ANP32E: variants seen among roughly 807,000 people sequenced by gnomAD.
The protein encoded by ANP32E is acidic leucine-rich nuclear phosphoprotein 32 family member E.
Under a neutral mutation model 35.3 loss-of-function variants are expected in ANP32E, and 14 were observed. That is an observed-to-expected ratio of 0.40 (90% CI 0.26 to 0.62). The LOEUF (loss-of-function observed/expected upper bound fraction) is 0.62, where lower values mean the gene tolerates loss of function less well. Among genes scored for constraint, ANP32E ranks in the 20% least tolerant of loss-of-function variants. The pLI, the probability that ANP32E is intolerant of heterozygous loss-of-function variation, is 0.45. For synonymous variants in ANP32E, 89 were observed against 110.4 expected, an observed-to-expected ratio of 0.81 and a Z score of 1.22; for missense variants, 198 against 304.4, an observed-to-expected ratio of 0.65 and a Z score of 2.60.
rs1229951808 is a variant in ANP32E at position 150,219,610 on chromosome 1, T to C, written c.*1081A>G. On this transcript the variant is annotated 3_prime_UTR_variant, in exon 7 of 7. Coordinates refer to ENST00000583931, the MANE Select transcript of ANP32E (RefSeq NM_030920.5). ...TATCAACAGGCAATTGTTCCGACTT[T>C]TGAGGAACACTAACACTGCTTCCAA... The C allele has an allele frequency of 1.3e-5, 2 of 152,186 alleles. No homozygotes were observed. Among genetic ancestry groups the C allele is most frequent in the African/African-American group, 4.8e-5 (2 of 41,448 alleles). The allele number at this position is 152,186 out of a possible 1,614,324, so 9.4% of individuals were successfully genotyped here. A position where few individuals can be genotyped will look rare whatever the true frequency, so the allele number is the denominator to read the frequency against.
chr1:150,221,089 T>C (rs775020759), intron 6 of ANP32E, among the ~76,000 whole-genome samples: 47 of 106,560 alleles, frequency 4.4e-4, no homozygotes, highest in Admixed American at 2.1e-3. Context: ...CACTCCAGCC[T>C]GGGCAACCGA....
In ANP32E at chr1:150,235,813, C is replaced by T; in HGVS notation, c.-27G>A. 2 of 1,543,456 alleles carry T rather than the reference C, an allele frequency of 1.3e-6. No homozygotes were observed. The highest frequency in any genetic ancestry group is 1.8e-6 in the Non-Finnish European group (2 of 1,128,478). On this transcript the variant is annotated 5_prime_UTR_variant, in exon 1 of 7. Coordinates refer to ENST00000583931, the MANE Select transcript of ANP32E (RefSeq NM_030920.5). This position sits in a 1 kb window ranked among gnomAD's most constrained non-coding sequence, Gnocchi z 4.2. ...TCCTCCTCTTGCTCTTCAGCTACTA[C>T]TCTCCTTTTCCCTTTCCTGCCTTCC... is the stretch of plus-strand genomic sequence containing the variant.
chr1:150,230,333 T>C (rs1444640429), intron 3 of ANP32E, among the ~76,000 whole-genome samples: 3 of 152,006 alleles, frequency 2.0e-5, no homozygotes, highest in Admixed American at 6.6e-5. Flanking sequence ...AAAAAAATAC[T>C]GGAAATGTTA....
chr1:150,234,713 A>T (rs1014662059), intron 1 of ANP32E: 104 of 979,218 alleles, frequency 1.1e-4, no homozygotes, highest in Non-Finnish European at 1.2e-4. Context: ...CTCCCCAAGG[A>T]AAAAACGGGT....
At chr1:150,229,290 T>G (rs1649145130) in intron 3 of ANP32E, 53 bp from the exon 4 acceptor site, 1 of 934,128 alleles carries the variant, frequency 1.1e-6, no homozygotes, top group Non-Finnish European at 1.5e-6. Flanking sequence ...CCATGTTATT[T>G]CTTTTTTCTT....
chr1:150,224,367 G>A (rs1266405373), intron 5 of ANP32E, among the ~76,000 whole-genome samples: 2 of 152,098 alleles, frequency 1.3e-5, no homozygotes, highest in Non-Finnish European at 2.9e-5. Context: ...GAGGTCAGGA[G>A]TTCAAGACCA....
At chr1:150,229,392 G>C (rs1649167252) in intron 3 of ANP32E, among the ~76,000 whole-genome samples, 155 bp from the exon 4 acceptor site, 1 of 139,712 alleles carries the variant, frequency 7.2e-6, no homozygotes, top group African/African-American at 2.6e-5. Flanking sequence ...CCGCCTCCCG[G>C]GTTCAAGCGA....
chr1:150,228,618 G>C (rs945123095), intron 4 of ANP32E, among the ~76,000 whole-genome samples: 1 of 151,162 alleles, frequency 6.6e-6, no homozygotes, highest in Non-Finnish European at 1.5e-5. Context: ...CTTGAAACCA[G>C]AAGGCAGAGG....
At chr1:150,229,603 C>T (rs1046258932) in intron 3 of ANP32E, among the ~76,000 whole-genome samples, 2 of 152,318 alleles carry the variant, frequency 1.3e-5, no homozygotes, top group Admixed American at 6.5e-5. Flanking sequence ...CTCAGCCTCC[C>T]GAGTCGCTGG....
At chr1:150,223,681 C>CAAAA (rs781932099) in intron 5 of ANP32E, among the ~76,000 whole-genome samples, 90 of 76,726 alleles carry the variant, frequency 1.2e-3, no homozygotes, top group African/African-American at 4.6e-3. Context: ...GGCTTCATCT[C>CAAAA]AAAAAAAAAA....
chr1:150,235,381 C>G lies in ANP32E; in HGVS notation c.54+352G>C, dbSNP rs1649693304. Reference sequence around the variant, plus strand: ...GGGGCTGAGTGGGACTGGGGGGTCGCGCCCACGCCGCCGGCCCCCAGGAGG... The same window carrying G: ...GGGGCTGAGTGGGACTGGGGGGTCGGGCCCACGCCGCCGGCCCCCAGGAGG... On this transcript the variant is annotated intron_variant, in intron 1 of 6. Transcript: ENST00000583931. This position sits in a 1 kb window ranked among gnomAD's most constrained non-coding sequence, Gnocchi z 4.2. Among the ~76,000 whole-genome samples, 1 of 152,164 alleles carries G rather than the reference C, an allele frequency of 6.6e-6. No homozygotes were observed. The highest frequency in any genetic ancestry group is 2.4e-5 in the African/African-American group (1 of 41,436).
intron 5 of ANP32E, 139 bp from the exon 6 acceptor site, chr1:150,223,379 T>C: frequency 1.7e-6 from 2 of 1,207,238 alleles, no homozygotes; most frequent in Non-Finnish European, 2.3e-6. Context: ...ATAAAGGTCC[T>C]TTTTAAAACC....
At chr1:150,223,083 A>C (rs1398186904) in intron 6 of ANP32E, 103 bp downstream of exon 6, 1 of 1,326,310 alleles carries the variant, frequency 7.5e-7, no homozygotes, top group East Asian at 2.5e-5. Context: ...AAAAATTGGC[A>C]TTATAGGCTC....
intron 4 of ANP32E, 65 bp downstream of exon 4, chr1:150,229,007 C>T: frequency 7.0e-7 from 1 of 1,430,646 alleles, no homozygotes; most frequent in South Asian, 1.3e-5. Flanking sequence ...CAGGCCCAAT[C>T]TAATTTGCAC....
intron 1 of ANP32E, among the ~76,000 whole-genome samples, chr1:150,233,264 C>CAAAAA (rs60732970): frequency 1.2e-5 from 1 of 86,426 alleles, no homozygotes. Flanking sequence ...GACTCTATCT[C>CAAAAA]AAAAAAAAAA....
chr1:150,226,057 G>A (rs1648853159), intron 5 of ANP32E, among the ~76,000 whole-genome samples: 1 of 149,930 alleles, frequency 6.7e-6, no homozygotes, highest in African/African-American at 2.5e-5. Context: ...CCAGGCTGGA[G>A]TGCAGAGGCA....
intron 2 of ANP32E, 134 bp from the exon 3 acceptor site, chr1:150,230,827 C>T (rs1293642970): frequency 2.9e-5 from 21 of 717,880 alleles, no homozygotes; most frequent in Admixed American, 6.3e-5. Flanking sequence ...CTGCAACCTC[C>T]GCCTCCTGGG....
chr1:150,230,451 G>C (rs782241300), intron 3 of ANP32E, 120 bp downstream of exon 3: 35 of 969,928 alleles, frequency 3.6e-5, no homozygotes, highest in Non-Finnish European at 4.6e-5. Flanking sequence ...TAACTGCCTA[G>C]ATCACAACAT....
intron 5 of ANP32E, among the ~76,000 whole-genome samples, chr1:150,223,751 A>ATTT (rs112484615): frequency 1.8e-5 from 2 of 112,602 alleles, no homozygotes; most frequent in African/African-American, 6.5e-5. Context: ...TTATTTATTT[A>ATTT]TTTTTTTTTT....
Sources: gnomAD v4.1 joint callset for allele counts (sites outside exome capture counted in the v4.1 genomes callset) on GRCh38, gnomAD v4.1.1 for gene constraint, Gnocchi (gnomAD v3.1) non-coding constraint, MANE v1.5 for transcripts, NCBI Gene and HGNC (gene_info 2026-07-23, HGNC 2026-07-21) for gene names.